ZBTB20: variants seen among roughly 807,000 people sequenced by gnomAD.
ZBTB20 encodes the protein zinc finger and BTB domain containing 20, also known as zinc finger and BTB domain-containing protein 20.
In ZBTB20, 9 loss-of-function variants were observed where a neutral mutation model predicts 56.9. The ratio of observed to expected loss-of-function variants is 0.16; its 90% confidence interval spans 0.10 to 0.28. The LOEUF is 0.28. Ranked by LOEUF, ZBTB20 falls within the 10% of genes least tolerant of loss-of-function variation. The pLI, the probability that ZBTB20 is intolerant of heterozygous loss-of-function variation, is 1.00. For missense variants in ZBTB20, 655 were observed against 1,003.0 expected (o/e 0.65, Z 4.69); for synonymous variants, 417 against 420.7 (o/e 0.99, Z 0.11).
At chr3:114,385,246 C>T (rs1178831484) in intron 8 of ZBTB20, among the ~76,000 whole-genome samples, 2 of 152,106 alleles carry the variant, frequency 1.3e-5, no homozygotes, top group African/African-American at 4.8e-5. Context: ...TACTCTTTTC[C>T]CCAACAATAC....
chr3:114,391,924 A>C (rs2085912373), intron 7 of ZBTB20, among the ~76,000 whole-genome samples: 2 of 152,222 alleles, frequency 1.3e-5, no homozygotes, highest in Admixed American at 1.3e-4. Context: ...CAGTAATGAC[A>C]AGACCAGAGA....
At chr3:114,825,060 T>C (rs1254665470) in intron 4 of ZBTB20, among the ~76,000 whole-genome samples, 4 of 151,930 alleles carry the variant, frequency 2.6e-5, no homozygotes, top group African/African-American at 7.2e-5. Flanking sequence ...CAGGAAATAC[T>C]GAGATTCAAG....
chr3:114,934,825 T>C (rs1427891594), intron 3 of ZBTB20, among the ~76,000 whole-genome samples: 1 of 152,222 alleles, frequency 6.6e-6, no homozygotes, highest in Admixed American at 6.5e-5. Context: ...ATACTGGCTT[T>C]TAACATATAA....
intron 3 of ZBTB20, among the ~76,000 whole-genome samples, chr3:114,919,562 G>A (rs567011774): frequency 9.0e-4 from 137 of 151,954 alleles, no homozygotes; most frequent in Admixed American, 1.7e-3. Flanking sequence ...AAAATTAGCC[G>A]GGTGCGGTGG....
At chr3:115,020,009 T>A (rs2080139304) in intron 2 of ZBTB20, among the ~76,000 whole-genome samples, 1 of 151,256 alleles carries the variant, frequency 6.6e-6, no homozygotes, top group Non-Finnish European at 1.5e-5. Context: ...ATTTTTGAAC[T>A]GTGTATGCAA....
intron 2 of ZBTB20, among the ~76,000 whole-genome samples, chr3:115,037,634 T>C (rs540446618): frequency 2.0e-5 from 3 of 152,202 alleles, no homozygotes; most frequent in Admixed American, 1.3e-4. Flanking sequence ...AACTGGGACA[T>C]AGTTGGTGAT....
chr3:114,434,697 T>C (rs1303337797), intron 7 of ZBTB20, among the ~76,000 whole-genome samples: 1 of 152,084 alleles, frequency 6.6e-6, no homozygotes, highest in African/African-American at 2.4e-5. Context: ...GGTGCTTACA[T>C]TTGAGCAGCG....
intron 4 of ZBTB20, among the ~76,000 whole-genome samples, chr3:114,835,171 T>C (rs750639822): frequency 3.2e-4 from 49 of 152,258 alleles, no homozygotes; most frequent in Non-Finnish European, 6.5e-4. Context: ...TTTTGTAAAG[T>C]CAATTTTCTC....
At chr3:114,627,061 G>C (rs898136155) in intron 6 of ZBTB20, among the ~76,000 whole-genome samples, 2 of 152,078 alleles carry the variant, frequency 1.3e-5, no homozygotes, top group Non-Finnish European at 2.9e-5. Flanking sequence ...TACTAGACCT[G>C]GTCAAGCATT....
chr3:114,982,470 A>G (rs1479190906), intron 2 of ZBTB20, among the ~76,000 whole-genome samples: 1 of 152,100 alleles, frequency 6.6e-6, no homozygotes, highest in Non-Finnish European at 1.5e-5. Context: ...TAGTGTACCA[A>G]TCTTTACACA....
intron 6 of ZBTB20, among the ~76,000 whole-genome samples, chr3:114,553,724 A>G (rs931577423): frequency 6.6e-5 from 10 of 152,292 alleles, no homozygotes; most frequent in South Asian, 2.1e-4. Flanking sequence ...AATTCTGTGA[A>G]CCCATCAGCA....
At chr3:114,883,290 G>A (rs1333052642) in intron 4 of ZBTB20, among the ~76,000 whole-genome samples, 2 of 152,128 alleles carry the variant, frequency 1.3e-5, no homozygotes, top group African/African-American at 4.8e-5. Flanking sequence ...TTGGCTCATT[G>A]AATAAACTAA....
chr3:114,543,897 C>G (rs1416093472), intron 6 of ZBTB20, among the ~76,000 whole-genome samples: 2 of 152,098 alleles, frequency 1.3e-5, no homozygotes, highest in East Asian at 1.9e-4. Context: ...TGAGAGTAAG[C>G]ATGAAAAAAT....
At chr3:114,782,323 A>G (rs1023249727) in intron 5 of ZBTB20, among the ~76,000 whole-genome samples, 2 of 152,184 alleles carry the variant, frequency 1.3e-5, no homozygotes, top group African/African-American at 4.8e-5. Context: ...TTAGTTAATT[A>G]ATAACAGTTA....
At chr3:114,963,515 C>A (rs188242121) in intron 3 of ZBTB20, among the ~76,000 whole-genome samples, 187 of 152,250 alleles carry the variant, frequency 1.2e-3, no homozygotes, top group African/African-American at 4.2e-3. Flanking sequence ...TGGGAAGGTG[C>A]TGTTATTTTA....
chr3:114,898,427 T>C (rs1189077184), intron 4 of ZBTB20, among the ~76,000 whole-genome samples: 1 of 152,146 alleles, frequency 6.6e-6, no homozygotes, highest in Non-Finnish European at 1.5e-5. Flanking sequence ...GATCAGTTCT[T>C]ATACATTAAT....
chr3:114,452,956 TAAG>T (rs1186661622), intron 7 of ZBTB20, among the ~76,000 whole-genome samples: 1 of 77,068 alleles, frequency 1.3e-5, no homozygotes, highest in Non-Finnish European at 4.7e-5. Flanking sequence ...ATAAATGCAT[TAAG>T]AGGAGAACTT....
chr3:114,706,021 T>C (rs879234389), intron 5 of ZBTB20, among the ~76,000 whole-genome samples: 1 of 152,160 alleles, frequency 6.6e-6, no homozygotes, highest in Admixed American at 6.5e-5. Flanking sequence ...CCACGGTCTA[T>C]AGGAAATGGG....
rs891601125 is a variant in ZBTB20, at chr3:114,322,641, C to T, written c.*16364G>A. The T allele has an allele frequency of 4.6e-5, 7 of 152,158 alleles. No homozygotes were observed. Among genetic ancestry groups the T allele is most frequent in the African/African-American group, 1.7e-4 (7 of 41,436 alleles). 9.4% of individuals were successfully genotyped at this position (152,158 alleles called of 1,614,324 possible). On this transcript the variant is annotated 3_prime_UTR_variant, in exon 12 of 12. Coordinates refer to ENST00000675478, the MANE Select transcript of ZBTB20 (RefSeq NM_001348800.3). ...GCTTTGGTTTGGTGCAGTCAATGTC[C>T]TCTTAGTGATTACCCAATACTTATT...
Sources: allele counts gnomAD v4.1 joint callset (sites outside exome capture counted in the v4.1 genomes callset), GRCh38; gene constraint gnomAD v4.1.1; transcripts MANE v1.5; gene names NCBI Gene and HGNC (gene_info 2026-07-23, HGNC 2026-07-21).